The following TMEM220 variants were observed in gnomAD, a reference collection of about 807,000 sequenced individuals.
TMEM220 encodes the protein transmembrane protein 220.
In TMEM220, 21 loss-of-function variants were observed where a neutral mutation model predicts 21.7. The observed-to-expected ratio is 0.97, with a 90% confidence interval of 0.69 to 1.39. The LOEUF is 1.39. Among genes scored for constraint, TMEM220 ranks in the 40% most tolerant of loss-of-function variants. TMEM220 has a pLI of 0.00. For missense variants in TMEM220, 191 were observed against 201.9 expected, an observed-to-expected ratio of 0.95 and a Z score of 0.33; for synonymous variants, 80 against 73.6, an observed-to-expected ratio of 1.09 and a Z score of -0.45.
intron 5 of TMEM220, among the ~76,000 whole-genome samples, chr17:10,721,635 A>T: frequency 6.9e-6 from 1 of 144,254 alleles, no homozygotes; most frequent in African/African-American, 2.7e-5. Context: ...AAAGAAAAAA[A>T]AGAAAAAAAA....
chr17:10,717,717 T>C (rs1157589141), intron 5 of TMEM220, among the ~76,000 whole-genome samples: 1 of 152,264 alleles, frequency 6.6e-6, no homozygotes, highest in African/African-American at 2.4e-5. Flanking sequence ...AAGTATTTAT[T>C]GAAAGTTGGT....
At chr17:10,716,561 A>G in intron 5 of TMEM220, 1 of 579,420 alleles carries the variant, frequency 1.7e-6, no homozygotes, top group Non-Finnish European at 3.4e-6. Flanking sequence ...AAGCTGCACC[A>G]CCGCGGTCTG....
Position 10,714,200 on chromosome 17 carries a change from C to T in TMEM220, c.*1253G>A, listed in dbSNP as rs543772368. 6.6e-6 allele frequency: 1 copy of T among 152,194 alleles called. No individual in the cohort carries two copies. The highest frequency in any genetic ancestry group is 2.4e-5 in the African/African-American group (1 of 41,522). The allele number at this position is 152,194 out of a possible 1,614,324, so 9.4% of individuals were successfully genotyped here. ...TCTTTTTCTACCATGTCTTTAAAAT[C>T]CAGTGTATTTTACATTTATAGCCCC... On this transcript the variant is annotated 3_prime_UTR_variant, in exon 6 of 6. Transcript: ENST00000341871.
Position 10,715,194 on chromosome 17 carries a change from A to G in TMEM220, c.*259T>C, listed in dbSNP as rs2074896495. On this transcript the variant is annotated 3_prime_UTR_variant, in exon 6 of 6. Transcript: ENST00000341871. ...GTTACAAAGTTAAGTTAGAACTCGTATTTTTAAACTTCTATTCTCTAGCCT... is the reference window on the plus strand; with the variant it reads ...GTTACAAAGTTAAGTTAGAACTCGTGTTTTTAAACTTCTATTCTCTAGCCT... 1.1e-5 allele frequency: 3 copies of G among 278,942 alleles called. No homozygotes were observed. Among genetic ancestry groups the G allele is most frequent in the African/African-American group, 4.5e-5 (2 of 44,580 alleles). The allele number at this position is 278,942 out of a possible 1,614,324, so 17.3% of individuals were successfully genotyped here.
At chr17:10,721,995 CT>C (rs139767679) in intron 5 of TMEM220, among the ~76,000 whole-genome samples, 113,905 of 125,888 alleles carry the variant, frequency 0.9, 51,400 homozygotes, top group East Asian at 0.98. Context: ...GTTTTTCTTT[CT>C]TTTTTTTTTT....
At position 10,728,286 on chromosome 17, in the gene TMEM220, T is replaced by A. The variant is rs1022016101; in HGVS notation, c.102+745A>T. Among the ~76,000 whole-genome samples the A allele has an allele frequency of 4.6e-4, 70 of 150,936 alleles. 1 individual carries two copies. Among genetic ancestry groups the A allele is most frequent in the Middle Eastern group, 3.4e-3 (1 of 294 alleles). ...TTTTACAGGATTTAATACTTTTCTT[T>A]GCTTTTTTTTTTTCTTTTTTTTCTT... On this transcript the variant is annotated intron_variant, in intron 2 of 5. Coordinates refer to ENST00000341871, the MANE Select transcript of TMEM220 (RefSeq NM_001004313.3).
intron 5 of TMEM220, among the ~76,000 whole-genome samples, chr17:10,718,124 A>G (rs1206305615): frequency 6.6e-6 from 1 of 152,086 alleles, no homozygotes; most frequent in Non-Finnish European, 1.5e-5. Flanking sequence ...GCCCGGCCCT[A>G]TGAACTCAAT....
chr17:10,726,370 G>T, intron 2 of TMEM220, 106 bp from the exon 3 acceptor site: 1 of 924,754 alleles, frequency 1.1e-6, no homozygotes. Context: ...TGGCTGCTGT[G>T]CCCCATGATT....
rs770726858 is a variant in TMEM220 at position 10,723,303 on chromosome 17, G to A, written c.314C>T (p.Thr105Ile). 6.8e-6 allele frequency: 11 copies of A among 1,613,922 alleles called. No individual in the cohort carries two copies. Among genetic ancestry groups the A allele is most frequent in the Non-Finnish European group, 9.3e-6 (11 of 1,179,978 alleles). ...GRELSGLVII[T>I]AWIILCHSSS... Reference sequence around the variant, plus strand: ...ACTGTGGCACAGGATAATCCATGCTGTAATAATCACCAGACCAGACAGCTC... The same window carrying A: ...ACTGTGGCACAGGATAATCCATGCTATAATAATCACCAGACCAGACAGCTC... Residue 105 changes from threonine (T) to isoleucine (I), a missense_variant, in exon 5 of 6, where the codon ACA becomes ATA. Physicochemically the swap from Thr to Ile is moderately conservative, Grantham distance 89 (BLOSUM62 -1). Transcript: ENST00000341871.
chr17:10,726,076 T>C, intron 3 of TMEM220, 128 bp downstream of exon 3: 1 of 703,888 alleles, frequency 1.4e-6, no homozygotes, highest in East Asian at 2.7e-5. Flanking sequence ...TTAGCCCCTT[T>C]TATTATCAGA....
rs1567583882 is a variant in TMEM220 at position 10,715,481 on chromosome 17, C to CA, written c.454dup (p.Trp152LeufsTer44). 5.6e-6 allele frequency: 9 copies of CA among 1,594,746 alleles called. No homozygotes were observed. The highest frequency in any genetic ancestry group is 7.7e-6 in the Non-Finnish European group (9 of 1,175,964). On this transcript the variant is annotated frameshift_variant, in exon 6 of 6. Transcript: ENST00000341871. LOFTEE classifies it high-confidence loss of function. ...AATTACTGTCTTGCAGTGAGTTGGCCAAGAGGACCGCATTTCCTTGTTAAT... is the reference window on the plus strand; with the variant it reads ...AATTACTGTCTTGCAGTGAGTTGGCCAAAGAGGACCGCATTTCCTTGTTAAT...
intron 5 of TMEM220, chr17:10,715,933 CT>C (rs2074912957): frequency 5.7e-6 from 2 of 351,314 alleles, no homozygotes; most frequent in Admixed American, 4.5e-5. Flanking sequence ...TTTTGTTTTG[CT>C]TTTTTTAAAT....
At chr17:10,712,556 A>G (rs139001916), downstream of TMEM220, among the ~76,000 whole-genome samples, 215 of 152,330 alleles carry the variant, frequency 1.4e-3, 4 homozygotes, top group South Asian at 0.016. Context: ...AGTGTGTGAA[A>G]TTTGCTGTCA....
In TMEM220 at chr17:10,720,308, T is replaced by C. The variant is rs894974668; in HGVS notation, c.347+2962A>G. Among the ~76,000 whole-genome samples, 4 of 152,228 alleles carry C rather than the reference T, an allele frequency of 2.6e-5. 1 individual carries two copies. Among genetic ancestry groups the C allele is most frequent in the Non-Finnish European group, 5.9e-5 (4 of 68,040 alleles). ...TAATAGCAAAAGCCTGGATACTATC[T>C]AAATAGTAGAGAACTGGTTGATTAA... On this transcript the variant is annotated intron_variant, in intron 5 of 5. Coordinates refer to ENST00000341871, the MANE Select transcript of TMEM220 (RefSeq NM_001004313.3).
chr17:10,712,768 G>A (rs558465250), downstream of TMEM220, among the ~76,000 whole-genome samples: 12 of 152,286 alleles, frequency 7.9e-5, 1 homozygote, highest in Middle Eastern at 6.8e-3. Context: ...GAAAGGTGCC[G>A]GGCTGGGAGA....
At chr17:10,716,602 T>G (rs186798398) in intron 5 of TMEM220, 5 of 453,036 alleles carry the variant, frequency 1.1e-5, no homozygotes, top group African/African-American at 4.1e-5. Flanking sequence ...TTTTTTATAA[T>G]AGACCTGTGA....
downstream of TMEM220, chr17:10,713,198 G>A (rs979940475): frequency 1.5e-4 from 22 of 151,366 alleles, no homozygotes; most frequent in African/African-American, 4.9e-4. Flanking sequence ...TTGAACCCAG[G>A]AGGTGGAGAT....
intron 4 of TMEM220, 85 bp downstream of exon 4, chr17:10,724,926 T>C: frequency 5.7e-6 from 9 of 1,565,538 alleles, no homozygotes; most frequent in Non-Finnish European, 7.9e-6. Context: ...CAGTTATCAT[T>C]GTGCACAGAT....
intron 5 of TMEM220, among the ~76,000 whole-genome samples, chr17:10,717,574 T>C (rs1050016416): frequency 6.6e-6 from 1 of 152,208 alleles, no homozygotes; most frequent in Non-Finnish European, 1.5e-5. Context: ...ATGTGTTGTT[T>C]AGGAGTTTTC....
Sources: allele counts gnomAD v4.1 joint callset (sites outside exome capture counted in the v4.1 genomes callset), GRCh38; gene constraint gnomAD v4.1.1; transcripts MANE v1.5; gene names NCBI Gene and HGNC (gene_info 2026-07-23, HGNC 2026-07-21).